SKI: variants seen among roughly 807,000 people sequenced by gnomAD.
The protein encoded by SKI is SKI proto-oncogene.
Under a neutral mutation model 59.3 loss-of-function variants are expected in SKI, and 23 were observed. The ratio of observed to expected loss-of-function variants is 0.39; its 90% CI spans 0.28 to 0.55. The LOEUF (loss-of-function observed/expected upper bound fraction) is 0.55. SKI is among the 20% of genes least tolerant of loss of function. SKI has a pLI of 0.67. For missense variants in SKI, 1,017 were observed against 1,038.9 expected, an observed-to-expected ratio of 0.98 and a Z score of 0.29; for synonymous variants, 673 against 488.6, an observed-to-expected ratio of 1.38 and a Z score of -4.98.
At chr1:2,251,685 A>G (rs533431065) in intron 1 of SKI, among the ~76,000 whole-genome samples, 2 of 152,268 alleles carry the variant, frequency 1.3e-5, no homozygotes, top group Admixed American at 6.5e-5. Flanking sequence ...GCTCCATGTC[A>G]CTGGTGGAAC....
chr1:2,305,965 G>T, intron 5 of SKI, 55 bp from the exon 6 acceptor site: 1 of 1,325,208 alleles, frequency 7.5e-7, no homozygotes. Flanking sequence ...TGGTCATGGT[G>T]AGGGGTGTGC....
chr1:2,303,211 C>G lies in SKI; in HGVS notation c.1096-74C>G. On this transcript the variant is annotated intron_variant, in intron 2 of 6. Coordinates refer to ENST00000378536, the MANE Select transcript of SKI (RefSeq NM_003036.4). This position sits in a 1 kb window ranked among gnomAD's most constrained non-coding sequence, Gnocchi z 5.6. ...CCTGCCCGCTACTGAGGGCTGGCAC[C>G]CGGCGCAGCCTCAGGGACATGAAGT... The G allele has an allele frequency of 6.3e-7, 1 of 1,597,470 alleles. No individual in the cohort carries two copies. The highest frequency in any genetic ancestry group is 1.7e-4 in the Middle Eastern group (1 of 6,012).
chr1:2,309,460 C>G lies in SKI; in HGVS notation c.*2695C>G, dbSNP rs1181238892. 2 of 152,146 alleles carry G rather than the reference C, an allele frequency of 1.3e-5. No homozygotes were observed. The highest frequency in any genetic ancestry group is 6.5e-5 in the Admixed American group (1 of 15,274). 9.4% of individuals were successfully genotyped at this position (152,146 alleles called of 1,614,324 possible). On this transcript the variant is annotated 3_prime_UTR_variant, in exon 7 of 7. Coordinates refer to ENST00000378536, the MANE Select transcript of SKI (RefSeq NM_003036.4). ...TGTAAAAACAGTTCACCTGTAAATA[C>G]TTTTTCCTTTTTCACCGTTGTATTA...
rs1640625930 is a variant in SKI, at chr1:2,307,537, TC to T, written c.*773del. 6.6e-6 allele frequency: 1 copy of T among 152,418 alleles called. No individual in the cohort carries two copies. The highest frequency in any genetic ancestry group is 1.5e-5 in the Non-Finnish European group (1 of 68,042). The allele number at this position is 152,418 out of a possible 1,614,324, so 9.4% of individuals were successfully genotyped here. ...CTCCACCACGAGGCACTGACCTGCG[TC>T]GGGTGGTGACCGTGGCTGGCGGTCA... On this transcript the variant is annotated 3_prime_UTR_variant, in exon 7 of 7. Transcript: ENST00000378536.
At chr1:2,279,052 G>A (rs947835714) in intron 1 of SKI, among the ~76,000 whole-genome samples, 1 of 152,204 alleles carries the variant, frequency 6.6e-6, no homozygotes, top group African/African-American at 2.4e-5. Flanking sequence ...GCTGCTCGGG[G>A]GCTTGGTGGC....
In SKI at chr1:2,306,558, C is replaced by T. The variant is rs1367620764; in HGVS notation, c.1999-19C>T. The T allele has an allele frequency of 9.7e-6, 15 of 1,538,904 alleles. No homozygotes were observed. Among genetic ancestry groups the T allele is most frequent in the Admixed American group, 2.0e-5 (1 of 50,846 alleles). On this transcript the variant is annotated intron_variant, in intron 6 of 6. Coordinates refer to ENST00000378536, the MANE Select transcript of SKI (RefSeq NM_003036.4). ...CAGGGCAGCGAGCAGGCGCCGCTGA[C>T]CACTCGGCTCCCTTTCAGATCGAAG...
Position 2,306,179 on chromosome 1 carries a change from C to G in SKI, c.1927C>G (p.Gln643Glu). 3 of 1,587,630 alleles carry G rather than the reference C, an allele frequency of 1.9e-6. No individual in the cohort carries two copies. The highest frequency in any genetic ancestry group is 3.6e-5 in the Admixed American group (2 of 55,718). The change falls in exon 6 of 7, where the codon CAG (glutamine) becomes GAG (glutamate). Residue 643 changes from glutamine to glutamate, a missense_variant. Gln to Glu is a conservative substitution (Grantham distance 29). Coordinates refer to ENST00000378536, the MANE Select transcript of SKI (RefSeq NM_003036.4). ...GCTGCGCCTGAAGCGGGAGCTGGAGCAGGCGCGGCAGGCCCGGGTGTGCGA... is the reference window on the plus strand; with the variant it reads ...GCTGCGCCTGAAGCGGGAGCTGGAGGAGGCGCGGCAGGCCCGGGTGTGCGA... ...SRLRLKRELE[Q>E]ARQARVCDKG... is the part of the protein sequence containing the mutation.
intron 1 of SKI, among the ~76,000 whole-genome samples, chr1:2,278,927 C>G (rs1475583887): frequency 6.6e-6 from 1 of 152,200 alleles, no homozygotes; most frequent in East Asian, 1.9e-4. Context: ...ATCCAATTTC[C>G]CATGGTGCTG....
intron 1 of SKI, among the ~76,000 whole-genome samples, chr1:2,274,240 TTAAA>T (rs1362836835): frequency 2.6e-5 from 4 of 151,990 alleles, no homozygotes; most frequent in African/African-American, 2.4e-5. Context: ...TTTTTATTGG[TTAAA>T]TAAAGACACA....
intron 1 of SKI, among the ~76,000 whole-genome samples, chr1:2,234,440 C>G (rs1638708798): frequency 6.6e-6 from 1 of 152,228 alleles, no homozygotes; most frequent in South Asian, 2.1e-4. Flanking sequence ...GTCCCTGCGG[C>G]TATTTGTGCA....
At chr1:2,235,934 T>C (rs1184047213) in intron 1 of SKI, among the ~76,000 whole-genome samples, 3 of 152,100 alleles carry the variant, frequency 2.0e-5, no homozygotes, top group Non-Finnish European at 4.4e-5. Context: ...TGTCTTTTGT[T>C]TGGGGGGAAA....
At chr1:2,236,549 G>T (rs904816840) in intron 1 of SKI, among the ~76,000 whole-genome samples, 1 of 152,178 alleles carries the variant, frequency 6.6e-6, no homozygotes, top group Non-Finnish European at 1.5e-5. Flanking sequence ...TGGGACTACA[G>T]GTGCGTGCCA....
intron 1 of SKI, among the ~76,000 whole-genome samples, chr1:2,280,591 C>T (rs111802117): frequency 6.2e-5 from 9 of 144,956 alleles, no homozygotes; most frequent in South Asian, 2.2e-4. Context: ...GCGGCGGCGG[C>T]GATCTTCAGA....
chr1:2,262,242 G>C (rs1389079967), intron 1 of SKI, among the ~76,000 whole-genome samples: 3 of 132,096 alleles, frequency 2.3e-5, no homozygotes, highest in Non-Finnish European at 4.8e-5. Flanking sequence ...GGGAGTGGAC[G>C]CCCTCGCTCC....
At chr1:2,302,051 G>A (rs1023000844) in intron 1 of SKI, among the ~76,000 whole-genome samples, 4 of 152,220 alleles carry the variant, frequency 2.6e-5, no homozygotes, top group Admixed American at 1.3e-4. Context: ...GTTTCCAGCC[G>A]CAGGGCTGTG....
chr1:2,289,537 C>CGTG (rs1553198690), intron 1 of SKI, among the ~76,000 whole-genome samples: 3 of 52,748 alleles, frequency 5.7e-5, no homozygotes, highest in South Asian at 8.4e-4. Flanking sequence ...GAACCAAGAT[C>CGTG]GGGGTGGGGG....
At chr1:2,251,248 G>T (rs1639141226) in intron 1 of SKI, among the ~76,000 whole-genome samples, 1 of 152,134 alleles carries the variant, frequency 6.6e-6, no homozygotes, top group Admixed American at 6.5e-5. Context: ...TTGACCTTCT[G>T]TTGGCTGCCC....
intron 1 of SKI, among the ~76,000 whole-genome samples, chr1:2,292,132 C>T (rs1007855149): frequency 8.5e-5 from 13 of 152,204 alleles, no homozygotes; most frequent in East Asian, 3.8e-4. Context: ...GAGGAGACAG[C>T]GATGGTCTCA....
At chr1:2,299,888 C>G (rs1034175119) in intron 1 of SKI, among the ~76,000 whole-genome samples, 11 of 152,180 alleles carry the variant, frequency 7.2e-5, no homozygotes, top group Non-Finnish European at 1.5e-4. Context: ...TTCTGAGACT[C>G]CCCCATGGGG....
Sources: allele counts gnomAD v4.1 joint callset (sites outside exome capture counted in the v4.1 genomes callset), GRCh38; gene constraint gnomAD v4.1.1; non-coding constraint Gnocchi (gnomAD v3.1); transcripts MANE v1.5; gene names NCBI Gene and HGNC (gene_info 2026-07-23, HGNC 2026-07-21).